Variants in PLCH1 observed in about 807,000 individuals in gnomAD.
PLCH1 encodes the protein phospholipase C eta 1.
In PLCH1, 60 loss-of-function variants were observed where a neutral mutation model predicts 126.7. The ratio of observed to expected loss-of-function variants is 0.47; its 90% CI spans 0.38 to 0.59. PLCH1 has a LOEUF of 0.59. PLCH1 is among the 20% of genes least tolerant of loss of function. The pLI is 0.00. For synonymous variants in PLCH1, 719 were observed against 734.9 expected, an observed-to-expected ratio of 0.98 and a Z score of 0.35; for missense variants, 1,723 against 2,040.0, an observed-to-expected ratio of 0.84 and a Z score of 2.99.
chr3:155,519,714 T>C (rs73154240), intron 11 of PLCH1, among the ~76,000 whole-genome samples: 13,282 of 138,340 alleles, frequency 0.096, 674 homozygotes, highest in African/African-American at 0.13. Context: ...ATCATTCCAA[T>C]ATGTGGCCAG....
chr3:155,681,961 A>G (rs762253233), intron 2 of PLCH1, among the ~76,000 whole-genome samples: 86 of 152,302 alleles, frequency 5.6e-4, no homozygotes, highest in Middle Eastern at 3.4e-3. Context: ...TCTTTCATCA[A>G]AATCCCTTGA....
chr3:155,688,960 C>A (rs1443105351), intron 2 of PLCH1, among the ~76,000 whole-genome samples: 1 of 152,170 alleles, frequency 6.6e-6, no homozygotes, highest in African/African-American at 2.4e-5. Context: ...ATGCCTGGGG[C>A]CGGGGGGGAT....
chr3:155,670,707 C>A (rs1559920197), intron 2 of PLCH1, among the ~76,000 whole-genome samples: 1 of 152,120 alleles, frequency 6.6e-6, no homozygotes, highest in Non-Finnish European at 1.5e-5. Context: ...TTTCTAGACT[C>A]TTTTTCCCAA....
intron 2 of PLCH1, among the ~76,000 whole-genome samples, chr3:155,661,554 A>T (rs1742147708): frequency 6.6e-6 from 1 of 152,120 alleles, no homozygotes; most frequent in African/African-American, 2.4e-5. Context: ...GTCACTCATA[A>T]AAAGAACAAG....
chr3:155,663,066 C>A (rs142516690), intron 2 of PLCH1, among the ~76,000 whole-genome samples: 1 of 152,150 alleles, frequency 6.6e-6, no homozygotes, highest in Admixed American at 6.5e-5. Flanking sequence ...TATAAATAAA[C>A]AATCATGGTG....
At chr3:155,471,925 G>A (rs973653582) in intron 21 of PLCH1, among the ~76,000 whole-genome samples, 4 of 151,998 alleles carry the variant, frequency 2.6e-5, no homozygotes, top group African/African-American at 9.7e-5. Flanking sequence ...TGCATTCAAA[G>A]CAGTGTGTAG....
At chr3:155,654,655 T>TAG in intron 2 of PLCH1, among the ~76,000 whole-genome samples, 1 of 152,262 alleles carries the variant, frequency 6.6e-6, no homozygotes, top group Non-Finnish European at 1.5e-5. Flanking sequence ...TCTCAAAACA[T>TAG]ATTCTAAGTC....
At chr3:155,535,637 G>C (rs1323420342) in intron 10 of PLCH1, among the ~76,000 whole-genome samples, 1 of 152,212 alleles carries the variant, frequency 6.6e-6, no homozygotes, top group East Asian at 1.9e-4. Flanking sequence ...CCCTGCTCAA[G>C]AAGAGTCTGA....
chr3:155,701,171 G>A (rs1293030422), intron 2 of PLCH1, among the ~76,000 whole-genome samples: 1 of 152,176 alleles, frequency 6.6e-6, no homozygotes, highest in East Asian at 1.9e-4. Flanking sequence ...TGAAATAGTA[G>A]GTAGATAAAA....
intron 10 of PLCH1, among the ~76,000 whole-genome samples, chr3:155,529,559 A>G (rs953926109): frequency 9.8e-5 from 15 of 152,316 alleles, no homozygotes; most frequent in Non-Finnish European, 1.8e-4. Context: ...GTAGCCTATT[A>G]AGTGTGCAAT....
chr3:155,563,766 G>C (rs901506580), intron 8 of PLCH1, among the ~76,000 whole-genome samples: 1 of 151,990 alleles, frequency 6.6e-6, no homozygotes, highest in African/African-American at 2.4e-5. Flanking sequence ...AAACTAAAAT[G>C]AAATTCCTCA....
At chr3:155,492,701 C>A in intron 18 of PLCH1, 28 bp downstream of exon 18, 1 of 1,525,982 alleles carries the variant, frequency 6.6e-7, no homozygotes, top group South Asian at 1.3e-5. Context: ...TAATTAACCA[C>A]TTAGACACGT....
At chr3:155,591,022 G>A (rs927745808) in intron 4 of PLCH1, among the ~76,000 whole-genome samples, 1 of 152,154 alleles carries the variant, frequency 6.6e-6, no homozygotes, top group Non-Finnish European at 1.5e-5. Flanking sequence ...CATAGACTAT[G>A]AAAACTTTCA....
intron 1 of PLCH1, among the ~76,000 whole-genome samples, chr3:155,732,452 C>T (rs1160498697): frequency 2.7e-5 from 4 of 150,344 alleles, no homozygotes; most frequent in African/African-American, 7.4e-5. Context: ...TTTGGGAGGC[C>T]GAGGCGGGTG....
intron 2 of PLCH1, among the ~76,000 whole-genome samples, chr3:155,654,465 A>G (rs916999939): frequency 6.6e-6 from 1 of 152,016 alleles, no homozygotes; most frequent in Non-Finnish European, 1.5e-5. Context: ...CATCTAATCG[A>G]TATCTCAGTC....
At chr3:155,681,065 G>GA (rs1266291928) in intron 2 of PLCH1, among the ~76,000 whole-genome samples, 5 of 151,878 alleles carry the variant, frequency 3.3e-5, no homozygotes, top group African/African-American at 7.3e-5. Flanking sequence ...AAAAACATAT[G>GA]AAAAAAATGT....
rs1437870883 is a variant in PLCH1 at position 155,482,463 on chromosome 3, A to C, written c.3563T>G (p.Ile1188Ser). Residue 1188 changes from isoleucine (I) to serine (S), a missense_variant, in exon 23 of 23, where the codon ATC (isoleucine) becomes AGC (serine). By Grantham distance (142) the Ile-to-Ser change is moderately radical. Around this residue, in one of 2 missense-constraint regions of PLCH1, gnomAD observed 947 missense variants for 977.1 expected, o/e 0.97. Transcript: ENST00000460012. ...ATCAAACTGGCCAATCAGGGCTGAG[A>C]TGGAACTGCCCGGCTCATTCTCATT... is the stretch of plus-strand genomic sequence containing the variant. ...LTNENEPGSS[I>S]SALIGQFDET... 6.2e-7 allele frequency: 1 copy of C among 1,614,142 alleles called. No homozygotes were observed. The highest frequency in any genetic ancestry group is 1.7e-5 in the Admixed American group (1 of 60,028).
intron 4 of PLCH1, among the ~76,000 whole-genome samples, chr3:155,593,055 A>G (rs1336474381): frequency 1.3e-5 from 2 of 152,176 alleles, no homozygotes; most frequent in African/African-American, 4.8e-5. Flanking sequence ...GAGCAGCACA[A>G]ATATATCACC....
intron 6 of PLCH1, among the ~76,000 whole-genome samples, chr3:155,573,881 A>C (rs796796287): frequency 1.2e-4 from 19 of 152,052 alleles, no homozygotes; most frequent in African/African-American, 4.6e-4. Flanking sequence ...TAGTACCCAC[A>C]CTCAGCCGTG....
Sources: gnomAD v4.1 joint callset for allele counts (sites outside exome capture counted in the v4.1 genomes callset) on GRCh38, gnomAD v4.1.1 for gene constraint, gnomAD v4.1.1 regional missense constraint, MANE v1.5 for transcripts, NCBI Gene and HGNC (gene_info 2026-07-23, HGNC 2026-07-21) for gene names.